Variants in ZC3HAV1 observed in about 807,000 individuals in gnomAD.
The protein encoded by ZC3HAV1 is zinc finger CCCH-type containing, antiviral 1.
In ZC3HAV1, 41 loss-of-function variants were observed where a neutral mutation model predicts 86.6. The observed-to-expected ratio is 0.47, with a 90% CI of 0.37 to 0.61. ZC3HAV1 has a LOEUF of 0.61. Among genes scored for constraint, ZC3HAV1 ranks in the 20% least tolerant of loss-of-function variants. The pLI is 0.00. For synonymous variants in ZC3HAV1, 421 were observed against 432.1 expected (o/e 0.97, Z 0.32); for missense variants, 964 against 1,141.1 (o/e 0.84, Z 2.24).
intron 7 of ZC3HAV1, among the ~76,000 whole-genome samples, chr7:139,071,102 CCT>C (rs1491496199): frequency 4.1e-5 from 6 of 146,554 alleles, no homozygotes; most frequent in African/African-American, 1.1e-4. Flanking sequence ...GTTTCTGAAA[CCT>C]TTTTTTTTTT....
intron 8 of ZC3HAV1, among the ~76,000 whole-genome samples, chr7:139,063,048 A>AAAAG (rs912091369): frequency 3.4e-5 from 5 of 148,446 alleles, no homozygotes; most frequent in African/African-American, 5.0e-5. Context: ...AAAAAAAAAA[A>AAAAG]AAAGAAAGAA....
intron 1 of ZC3HAV1, among the ~76,000 whole-genome samples, chr7:139,101,237 G>A (rs987256147): frequency 1.3e-5 from 2 of 151,756 alleles, no homozygotes; most frequent in African/African-American, 2.4e-5. Flanking sequence ...CCAAAGTGCC[G>A]AGATCGCAGC....
chr7:139,066,655 T>G (rs1463336860), intron 7 of ZC3HAV1, among the ~76,000 whole-genome samples: 1 of 152,202 alleles, frequency 6.6e-6, no homozygotes, highest in Admixed American at 6.5e-5. Context: ...GATTCAATGG[T>G]GCCCGGTAAA....
At position 139,079,649 on chromosome 7, in the gene ZC3HAV1, T is replaced by C; in HGVS notation, c.1292A>G (p.Asn431Ser). Reference protein sequence around the residue: ...DIQPGPLFNNNADGVATDITS... With the variant: ...DIQPGPLFNNSADGVATDITS... ...TATATCTGTGGCCACTCCATCAGCA[T>C]TATTATTAAAAAGAGGGCCAGGCTG... Residue 431 changes from asparagine (N) to serine (S), a missense_variant, in exon 4 of 13, where the codon AAT (asparagine) becomes AGT (serine). Physicochemically the swap from Asn to Ser is conservative, Grantham distance 46 (BLOSUM62 1). Transcript: ENST00000242351. The C allele has an allele frequency of 6.2e-7, 1 of 1,614,136 alleles. No individual in the cohort carries two copies. Among genetic ancestry groups the C allele is most frequent in the Non-Finnish European group, 8.5e-7 (1 of 1,180,022 alleles).
At position 139,047,403 on chromosome 7, in the gene ZC3HAV1, A is replaced by G; in HGVS notation, c.*191T>C. 1 of 651,734 alleles carries G rather than the reference A, an allele frequency of 1.5e-6. No individual in the cohort carries two copies. Among genetic ancestry groups the G allele is most frequent in the South Asian group, 2.0e-5 (1 of 51,144 alleles). 40.4% of individuals were successfully genotyped at this position (651,734 alleles called of 1,614,324 possible). A position where few individuals can be genotyped will look rare whatever the true frequency, so the allele number is the denominator to read the frequency against. ...AAATGATTTCATTGGCATGGGGTGCAACCTGGGCATCAGAATTTGTTTAAA... is the reference window on the plus strand; with the variant it reads ...AAATGATTTCATTGGCATGGGGTGCGACCTGGGCATCAGAATTTGTTTAAA... On this transcript the variant is annotated 3_prime_UTR_variant, in exon 13 of 13. Transcript: ENST00000242351.
intron 3 of ZC3HAV1, among the ~76,000 whole-genome samples, chr7:139,080,967 T>G (rs901226511): frequency 3.3e-5 from 5 of 152,294 alleles, no homozygotes; most frequent in African/African-American, 1.2e-4. Context: ...TTTTTCCAGT[T>G]TTCTTCATCT....
intron 7 of ZC3HAV1, among the ~76,000 whole-genome samples, chr7:139,066,889 C>T (rs1816620661): frequency 6.6e-6 from 1 of 152,160 alleles, no homozygotes; most frequent in Non-Finnish European, 1.5e-5. Context: ...CAAACATTGA[C>T]ATACATGTGA....
chr7:139,076,899 A>T (rs1232552363), intron 5 of ZC3HAV1, among the ~76,000 whole-genome samples: 1 of 152,034 alleles, frequency 6.6e-6, no homozygotes, highest in South Asian at 2.1e-4. Context: ...CTCAAAAAAA[A>T]AAAAGAAAAA....
intron 1 of ZC3HAV1, among the ~76,000 whole-genome samples, chr7:139,105,434 G>A (rs921115277): frequency 2.0e-5 from 3 of 152,134 alleles, no homozygotes; most frequent in African/African-American, 7.2e-5. Flanking sequence ...TTATTTGTTC[G>A]ATAAATAGTG....
At chr7:139,071,340 G>A (rs1016941802) in intron 7 of ZC3HAV1, among the ~76,000 whole-genome samples, 2 of 152,082 alleles carry the variant, frequency 1.3e-5, no homozygotes, top group Non-Finnish European at 2.9e-5. Flanking sequence ...GACCTCAGGT[G>A]ATCCACACGC....
Position 139,054,103 on chromosome 7 carries a change from A to C in ZC3HAV1, c.2188-8T>G, listed in dbSNP as rs1442249468. 1 of 1,564,068 alleles carries C rather than the reference A, an allele frequency of 6.4e-7. No individual in the cohort carries two copies. On this transcript the variant is annotated splice_polypyrimidine_tract_variant and splice_region_variant and intron_variant, in intron 10 of 12. Coordinates refer to ENST00000242351, the MANE Select transcript of ZC3HAV1 (RefSeq NM_020119.4). Reference sequence around the variant, plus strand: ...GTGATGGATCTCTGACAACTAATAAAGTTTAAAAATAGATAAATGTGAAAT... The same window carrying C: ...GTGATGGATCTCTGACAACTAATAACGTTTAAAAATAGATAAATGTGAAAT...
chr7:139,107,750 C>T (rs1443834634), intron 1 of ZC3HAV1, among the ~76,000 whole-genome samples: 1 of 152,148 alleles, frequency 6.6e-6, no homozygotes, highest in East Asian at 1.9e-4. Context: ...TTGCAGTGAA[C>T]CGAGGTGGAG....
At chr7:139,091,538 T>C (rs1265389619) in intron 1 of ZC3HAV1, among the ~76,000 whole-genome samples, 1 of 152,192 alleles carries the variant, frequency 6.6e-6, no homozygotes, top group African/African-American at 2.4e-5. Context: ...CTATGGTGGA[T>C]TGACCAGATG....
At chr7:139,079,171 C>A in intron 4 of ZC3HAV1, 1 of 1,536,228 alleles carries the variant, frequency 6.5e-7, no homozygotes, top group South Asian at 1.2e-5. Context: ...GGGTGCAGTT[C>A]TGCCCTTGGG....
intron 9 of ZC3HAV1, 175 bp downstream of exon 9, chr7:139,060,861 C>T (rs1232676256): frequency 6.6e-7 from 1 of 1,524,474 alleles, no homozygotes; most frequent in South Asian, 1.2e-5. Context: ...TCCTTTCAGT[C>T]ACACCATGCT....
At chr7:139,096,091 C>T (rs751940763) in intron 1 of ZC3HAV1, among the ~76,000 whole-genome samples, 2 of 151,934 alleles carry the variant, frequency 1.3e-5, no homozygotes, top group African/African-American at 2.4e-5. Flanking sequence ...CTCAGCTCAC[C>T]GCAACCTCCG....
chr7:139,076,490 C>T, intron 5 of ZC3HAV1, 81 bp from the exon 6 acceptor site: 1 of 1,571,376 alleles, frequency 6.4e-7, no homozygotes, highest in South Asian at 1.1e-5. Context: ...CCAGCTTTCC[C>T]CATCCATGCC....
chr7:139,099,861 A>G (rs1389918325), intron 1 of ZC3HAV1, among the ~76,000 whole-genome samples: 1 of 152,088 alleles, frequency 6.6e-6, no homozygotes, highest in Non-Finnish European at 1.5e-5. Context: ...CAGGAGGCGG[A>G]GGTTGCAGTG....
chr7:139,098,484 T>G (rs1226748823), intron 1 of ZC3HAV1, among the ~76,000 whole-genome samples: 3 of 152,166 alleles, frequency 2.0e-5, no homozygotes, highest in Non-Finnish European at 4.4e-5. Flanking sequence ...CTTCATTTTC[T>G]AAATTGGTCT....
Sources: allele counts gnomAD v4.1 joint callset (sites outside exome capture counted in the v4.1 genomes callset), GRCh38; gene constraint gnomAD v4.1.1; transcripts MANE v1.5; gene names NCBI Gene and HGNC (gene_info 2026-07-23, HGNC 2026-07-21).